Variants in FAAP20 observed in about 807,000 individuals in gnomAD.
FAAP20 encodes the protein FA core complex associated protein 20, also known as Fanconi anemia core complex-associated protein 20.
Under a neutral mutation model 16.2 loss-of-function variants are expected in FAAP20, and 12 were observed. That is an observed-to-expected ratio of 0.74 (90% CI 0.48 to 1.20). FAAP20 has a LOEUF of 1.20. FAAP20 is among the 50% of genes most tolerant of loss of function. FAAP20 has a pLI of 0.00. For missense variants in FAAP20, 288 were observed against 245.8 expected (o/e 1.17, Z -1.15); for synonymous variants, 141 against 110.7 (o/e 1.27, Z -1.72).
chr1:2,201,296 G>C, upstream of FAAP20: 1 of 1,109,238 alleles, frequency 9.0e-7, no homozygotes, highest in Non-Finnish European at 1.1e-6. Context: ...GGACACGCAC[G>C]GTGAGCGACC....
intron 3 of FAAP20, chr1:2,193,025 G>C: frequency 7.7e-7 from 1 of 1,300,250 alleles, no homozygotes; most frequent in Non-Finnish European, 1.0e-6. Flanking sequence ...GTCTCCATAA[G>C]CTCTGAAACC....
chr1:2,202,065 A>C (rs1215307773), upstream of FAAP20, among the ~76,000 whole-genome samples: 1 of 151,612 alleles, frequency 6.6e-6, no homozygotes, highest in Non-Finnish European at 1.5e-5. Flanking sequence ...AAGTGGCCTG[A>C]AAGTTATGGC....
chr1:2,208,846 G>GA (rs1161336297), downstream of FAAP20, among the ~76,000 whole-genome samples: 72 of 152,184 alleles, frequency 4.7e-4, 1 homozygote, highest in Non-Finnish European at 2.5e-4. Context: ...AAAGTGTTCA[G>GA]AAAAAAAATA....
upstream of FAAP20, among the ~76,000 whole-genome samples, chr1:2,197,264 C>G (rs191193957): frequency 3.3e-5 from 5 of 152,372 alleles, no homozygotes; most frequent in Non-Finnish European, 7.3e-5. Context: ...AACACTAGAG[C>G]TTTGCTGGGG....
At chr1:2,211,437 T>A (rs12409647), downstream of FAAP20, among the ~76,000 whole-genome samples, 230 of 11,498 alleles carry the variant, frequency 0.02, no homozygotes, top group Non-Finnish European at 0.024. Context: ...ATATATATAT[T>A]TTTTTTTTTT....
In FAAP20 at chr1:2,189,721, G is replaced by A. The variant is rs144609669; in HGVS notation, c.531C>T (p.Asp177=). Residue 177 remains aspartate, a synonymous_variant, in exon 4 of 4, where the codon GAC becomes GAT. Coordinates refer to ENST00000378546, the MANE Select transcript of FAAP20 (RefSeq NM_182533.4). ...TCTTGGATGGCGCTCACCACGTCAC[G>A]TCTTCTGTGCTTTCGGCCAAGCACT... ...LAQCLAESTE[D]VTW 7.2e-5 allele frequency: 116 copies of A among 1,612,708 alleles called. No homozygotes were observed. Among genetic ancestry groups the A allele is most frequent in the Admixed American group, 2.0e-4 (12 of 60,006 alleles).
rs1052077770 is a variant in FAAP20 at position 2,190,099 on chromosome 1, C to G, written c.471-318G>C. On this transcript the variant is annotated intron_variant, in intron 3 of 3. Transcript: ENST00000378546. Reference sequence around the variant, plus strand: ...CTTGAGAACGCGCTCATCGTGGAGCCCGGCAGACAGGCGGCCTGACCCGGA... The same window carrying G: ...CTTGAGAACGCGCTCATCGTGGAGCGCGGCAGACAGGCGGCCTGACCCGGA... 4.7e-5 allele frequency: 26 copies of G among 553,542 alleles called. 1 individual carries two copies. The highest frequency in any genetic ancestry group is 4.4e-4 in the Admixed American group (20 of 45,132). 34.3% of individuals were successfully genotyped at this position (553,542 alleles called of 1,614,324 possible).
chr1:2,211,745 G>GA, downstream of FAAP20, among the ~76,000 whole-genome samples: 1 of 149,860 alleles, frequency 6.7e-6, no homozygotes, highest in Non-Finnish European at 1.5e-5. Flanking sequence ...CACCGTGCCC[G>GA]GCCAGTTTTT....
intron 3 of FAAP20, chr1:2,190,212 G>A (rs1349543386): frequency 2.2e-6 from 1 of 462,092 alleles, no homozygotes; most frequent in Non-Finnish European, 4.3e-6. Flanking sequence ...GCTGGGCAGT[G>A]GATGTGCAGC....
chr1:2,210,705 C>G (rs1306518408), downstream of FAAP20, among the ~76,000 whole-genome samples: 1 of 152,212 alleles, frequency 6.6e-6, no homozygotes, highest in Non-Finnish European at 1.5e-5. Flanking sequence ...CACAGCAGAG[C>G]ACACACATGC....
intron 1 of FAAP20, 119 bp downstream of exon 1, chr1:2,194,569 G>A (rs1359942352): frequency 2.4e-6 from 1 of 419,346 alleles, no homozygotes; most frequent in Non-Finnish European, 3.5e-6. Context: ...CGTGGGGGCC[G>A]GGCCCGGGGG....
intron 1 of FAAP20, 102 bp downstream of exon 1, chr1:2,194,586 G>GC: frequency 2.0e-6 from 1 of 507,878 alleles, no homozygotes; most frequent in Non-Finnish European, 2.7e-6. Context: ...GGGGCAGGGA[G>GC]CCCTCCCCAG....
chr1:2,208,106 G>A (rs779637037), downstream of FAAP20, among the ~76,000 whole-genome samples: 10 of 152,172 alleles, frequency 6.6e-5, no homozygotes, highest in African/African-American at 9.6e-5. Context: ...AAACTGAGGC[G>A]TGGGAGGCTC....
At chr1:2,187,176 G>A (rs1362028350), downstream of FAAP20, 8 of 471,512 alleles carry the variant, frequency 1.7e-5, no homozygotes, top group Non-Finnish European at 3.1e-5. Flanking sequence ...GACTGCCAGG[G>A]TCATTCAAAG....
chr1:2,211,416 TA>T (rs1689435822), downstream of FAAP20, among the ~76,000 whole-genome samples: 1 of 23,738 alleles, frequency 4.2e-5, no homozygotes. Context: ...TATATATATA[TA>T]TATATATATA....
chr1:2,186,503 C>A (rs917613021), downstream of FAAP20, among the ~76,000 whole-genome samples: 175 of 149,970 alleles, frequency 1.2e-3, 5 homozygotes, highest in African/African-American at 4.1e-3. Flanking sequence ...CCCGCCCCCC[C>A]CCGGCCAGCT....
At chr1:2,198,375 C>T, upstream of FAAP20, 1 of 384,850 alleles carries the variant, frequency 2.6e-6, no homozygotes, top group Non-Finnish European at 4.7e-6. Context: ...AAAAAGGACA[C>T]ATTTATGGAT....
upstream of FAAP20, chr1:2,198,626 C>A: frequency 8.4e-7 from 1 of 1,188,436 alleles, no homozygotes. Context: ...TGCACCCTCC[C>A]AATTTCCAAA....
upstream of FAAP20, chr1:2,197,942 T>G: frequency 1.6e-6 from 2 of 1,253,100 alleles, no homozygotes. Flanking sequence ...GCCGAGGGCC[T>G]GGAAGGGGAC....
Sources: allele counts gnomAD v4.1 joint callset (sites outside exome capture counted in the v4.1 genomes callset), GRCh38; gene constraint gnomAD v4.1.1; transcripts MANE v1.5; gene names NCBI Gene and HGNC (gene_info 2026-07-23, HGNC 2026-07-21).